FMN1: variants seen among roughly 807,000 people sequenced by gnomAD.
The protein encoded by FMN1 is formin 1, also known as formin-1.
FMN1 carries 110 observed loss-of-function variants against 132.4 expected under a neutral mutation model. That is an observed-to-expected ratio of 0.83 (90% confidence interval 0.71 to 0.97). FMN1 has a LOEUF of 0.97. FMN1 is among the 50% of genes least tolerant of loss of function. The pLI, the probability that FMN1 is intolerant of heterozygous loss-of-function variation, is 0.00. For missense variants in FMN1, 1,792 were observed against 1,705.3 expected (o/e 1.05, Z -0.90); for synonymous variants, 722 against 651.7 (o/e 1.11, Z -1.64).
intron 5 of FMN1, chr15:33,068,195 C>T (rs1049136296): frequency 9.9e-6 from 3 of 303,010 alleles, no homozygotes; most frequent in African/African-American, 4.4e-5. Context: ...TATTTATTCC[C>T]GGGGACAAAA....
chr15:33,157,861 A>G (rs962898258), intron 3 of FMN1, among the ~76,000 whole-genome samples: 1 of 151,982 alleles, frequency 6.6e-6, no homozygotes, highest in African/African-American at 2.4e-5. Context: ...AATGTGGTGC[A>G]AGCCTGTACT....
chr15:33,151,336 T>C, intron 4 of FMN1: 1 of 1,536,664 alleles, frequency 6.5e-7, no homozygotes, highest in Non-Finnish European at 8.7e-7. Flanking sequence ...TTACAGTTCT[T>C]ATGACTGGTT....
intron 16 of FMN1, among the ~76,000 whole-genome samples, chr15:32,884,743 G>C (rs541161711): frequency 9.2e-5 from 14 of 152,324 alleles, no homozygotes; most frequent in Admixed American, 9.2e-4. Flanking sequence ...CAGGGAAATT[G>C]AAATTATTGT....
intron 9 of FMN1, among the ~76,000 whole-genome samples, chr15:32,934,307 A>C (rs1278248453): frequency 6.6e-6 from 1 of 152,110 alleles, no homozygotes; most frequent in Non-Finnish European, 1.5e-5. Flanking sequence ...CCATTAACGT[A>C]TTTTTATAAT....
At position 32,908,529 on chromosome 15, in the gene FMN1, G is replaced by C. The variant is rs375657994; in HGVS notation, c.3338C>G (p.Ser1113Cys). 1.2e-6 allele frequency: 2 copies of C among 1,604,442 alleles called. No homozygotes were observed. The highest frequency in any genetic ancestry group is 1.7e-6 in the Non-Finnish European group (2 of 1,174,990). The part of the protein sequence containing the change: ...LVKIRKYYET[S>C]KEEELKLLDK... The stretch of plus-strand genomic sequence containing the variant: ...CAGCAGCTTCAGTTCTTCTTCTTTG[G>C]ATGTCTCGTAATACTTTCTTATTTT... The change falls in exon 12 of 21, where the codon TCC becomes TGC. Residue 1113 changes from serine to cysteine, a missense_variant. Ser to Cys is a moderately radical substitution (Grantham distance 112, BLOSUM62 -1). Around this residue, in one of 3 missense-constraint regions of FMN1, gnomAD observed 1,150 missense variants for 1,043.1 expected, o/e 1.10. Transcript: ENST00000616417.
intron 6 of FMN1, chr15:33,012,283 A>G (rs1367201185): frequency 2.7e-6 from 2 of 741,758 alleles, no homozygotes; most frequent in African/African-American, 1.7e-5. Flanking sequence ...GGTATTCCAG[A>G]GGCTTTGGGT....
chr15:33,047,593 A>T (rs370997328), intron 6 of FMN1, among the ~76,000 whole-genome samples: 4 of 152,216 alleles, frequency 2.6e-5, no homozygotes, highest in African/African-American at 9.6e-5. Context: ...TTAAAAGCAA[A>T]TAGATCCCTC....
chr15:33,012,824 A>G (rs1049095853), intron 6 of FMN1: 5 of 645,136 alleles, frequency 7.8e-6, no homozygotes, highest in Non-Finnish European at 1.4e-5. Context: ...GGTGGAGGAT[A>G]TGGTAGCAGT....
At chr15:32,875,780 A>G (rs1316906213) in intron 16 of FMN1, among the ~76,000 whole-genome samples, 2 of 152,234 alleles carry the variant, frequency 1.3e-5, no homozygotes, top group African/African-American at 2.4e-5. Flanking sequence ...CAACTTACTT[A>G]GGCAGAAAAA....
rs754156512 is a variant in FMN1, at chr15:32,908,536, C to T, written c.3331G>A (p.Glu1111Lys). ...TTCAGTTCTTCTTCTTTGGATGTCT[C>T]GTAATACTTTCTTATTTTAACCAGC... ...DELVKIRKYY[E>K]TSKEEELKLL... The change falls in exon 12 of 21, where the codon GAG (glutamate) becomes AAG (lysine). Residue 1111 changes from glutamate (E) to lysine (K), a missense_variant. By Grantham distance (56) the Glu-to-Lys change is moderately conservative (BLOSUM62 1). This residue lies in a region of FMN1 where 1,150 missense variants were observed against 1,043.1 expected (regional missense o/e 1.10). Transcript: ENST00000616417. The T allele has an allele frequency of 5.0e-6, 8 of 1,606,830 alleles. No individual in the cohort carries two copies. The highest frequency in any genetic ancestry group is 4.5e-5 in the East Asian group (2 of 44,596).
intron 19 of FMN1, among the ~76,000 whole-genome samples, chr15:32,788,061 C>G (rs977255019): frequency 5.3e-5 from 8 of 152,166 alleles, no homozygotes; most frequent in African/African-American, 1.7e-4. Context: ...ACTTGTATAC[C>G]CAAACATACT....
At chr15:33,128,869 G>C (rs1219945003) in intron 4 of FMN1, among the ~76,000 whole-genome samples, 4 of 152,206 alleles carry the variant, frequency 2.6e-5, no homozygotes, top group East Asian at 1.9e-4. Context: ...GCAGAGGCCT[G>C]CGTGCGTGGC....
chr15:33,162,162 G>A (rs1390599441), intron 3 of FMN1, among the ~76,000 whole-genome samples: 1 of 152,008 alleles, frequency 6.6e-6, no homozygotes, highest in Non-Finnish European at 1.5e-5. Context: ...ACAGGTACAT[G>A]CCATCATGCC....
intron 16 of FMN1, among the ~76,000 whole-genome samples, chr15:32,880,204 A>G (rs528387197): frequency 6.6e-6 from 1 of 152,140 alleles, no homozygotes; most frequent in Admixed American, 6.6e-5. Flanking sequence ...CTTTGCAAAA[A>G]CAACTCGCAG....
intron 6 of FMN1, chr15:33,012,858 T>C: frequency 1.7e-6 from 1 of 603,928 alleles, no homozygotes; most frequent in Non-Finnish European, 3.1e-6. Flanking sequence ...ATGAATTTGG[T>C]AATGATGGGA....
chr15:33,177,676 G>A (rs1468921662), intron 3 of FMN1, among the ~76,000 whole-genome samples: 1 of 152,146 alleles, frequency 6.6e-6, no homozygotes, highest in African/African-American at 2.4e-5. Flanking sequence ...GACAGTAAGG[G>A]GTGAAAACAG....
chr15:32,932,938 C>G (rs558535499), intron 9 of FMN1, among the ~76,000 whole-genome samples: 1 of 152,150 alleles, frequency 6.6e-6, no homozygotes, highest in South Asian at 2.1e-4. Flanking sequence ...AAAACCAACT[C>G]GGTTGTGTTG....
chr15:32,904,871 C>T (rs889520083), intron 12 of FMN1, among the ~76,000 whole-genome samples: 2 of 152,156 alleles, frequency 1.3e-5, no homozygotes, highest in African/African-American at 2.4e-5. Context: ...TCTTCCCCTG[C>T]CCTGCCCCAT....
intron 4 of FMN1, among the ~76,000 whole-genome samples, chr15:33,094,175 T>C (rs1196277365): frequency 1.3e-5 from 2 of 152,308 alleles, no homozygotes; most frequent in South Asian, 2.1e-4. Flanking sequence ...CTTTACTAAT[T>C]ATTTGACCTT....
Sources: allele counts gnomAD v4.1 joint callset (sites outside exome capture counted in the v4.1 genomes callset), GRCh38; gene constraint gnomAD v4.1.1; regional missense constraint gnomAD v4.1.1; transcripts MANE v1.5; gene names NCBI Gene and HGNC (gene_info 2026-07-23, HGNC 2026-07-21).